Variants in MBNL1 observed in about 807,000 individuals in gnomAD.
MBNL1 encodes the protein muscleblind-like protein 1.
MBNL1 carries 8 observed loss-of-function variants against 42.2 expected under a neutral mutation model. The ratio of observed to expected loss-of-function variants is 0.19; its 90% CI spans 0.11 to 0.34. MBNL1 has a LOEUF of 0.34. Ranked by LOEUF, MBNL1 falls within the 10% of genes least tolerant of loss-of-function variation. The probability of loss-of-function intolerance (pLI) is 1.00; values close to 1 mark genes in which losing one functional copy is unlikely to be tolerated. For synonymous variants in MBNL1, 169 were observed against 173.9 expected (o/e 0.97, Z 0.22); for missense variants, 309 against 495.3 (o/e 0.62, Z 3.57).
chr3:152,388,467 A>G (rs2097541379), intron 2 of MBNL1, among the ~76,000 whole-genome samples: 1 of 152,216 alleles, frequency 6.6e-6, no homozygotes, highest in Non-Finnish European at 1.5e-5. Flanking sequence ...TAACCCTACC[A>G]GTCCCAGTCC....
chr3:152,417,775 A>G (rs531555028), intron 3 of MBNL1, among the ~76,000 whole-genome samples: 2 of 152,244 alleles, frequency 1.3e-5, no homozygotes, highest in Non-Finnish European at 2.9e-5. Context: ...ACCAGCACCC[A>G]GAACACAAGC....
chr3:152,312,613 C>G (rs1385637317), intron 2 of MBNL1, among the ~76,000 whole-genome samples: 1 of 152,108 alleles, frequency 6.6e-6, no homozygotes, highest in Non-Finnish European at 1.5e-5. Context: ...ATGGGAGGAA[C>G]TTTGTCTTAG....
intron 2 of MBNL1, among the ~76,000 whole-genome samples, chr3:152,361,368 C>T: frequency 6.6e-6 from 1 of 150,938 alleles, no homozygotes; most frequent in South Asian, 2.1e-4. Context: ...CTGTGTAGTT[C>T]CAGTGATGCT....
intron 2 of MBNL1, among the ~76,000 whole-genome samples, chr3:152,353,854 T>C (rs139203805): frequency 6.6e-6 from 1 of 152,172 alleles, no homozygotes; most frequent in Non-Finnish European, 1.5e-5. Context: ...GCTACATGGA[T>C]TGGTGAAATA....
intron 1 of MBNL1, among the ~76,000 whole-genome samples, chr3:152,294,745 G>A (rs988639274): frequency 6.6e-6 from 1 of 151,958 alleles, no homozygotes; most frequent in Non-Finnish European, 1.5e-5. Context: ...AAATATGTTT[G>A]CAAGAATTCT....
intron 2 of MBNL1, among the ~76,000 whole-genome samples, chr3:152,376,694 A>G (rs1030593734): frequency 1.3e-5 from 2 of 152,174 alleles, no homozygotes; most frequent in African/African-American, 2.4e-5. Flanking sequence ...GAGCTGCTGT[A>G]AAGAATGCAG....
chr3:152,376,619 A>T (rs1342656579), intron 2 of MBNL1, among the ~76,000 whole-genome samples: 7 of 152,192 alleles, frequency 4.6e-5, no homozygotes, highest in Non-Finnish European at 1.0e-4. Flanking sequence ...AGCTAAGAGG[A>T]GAGCAAAAGC....
chr3:152,274,816 A>G (rs1451455471), intron 1 of MBNL1, among the ~76,000 whole-genome samples: 1 of 152,114 alleles, frequency 6.6e-6, no homozygotes, highest in African/African-American at 2.4e-5. Flanking sequence ...ATACCATGAA[A>G]TATCAGCTGT....
intron 2 of MBNL1, among the ~76,000 whole-genome samples, chr3:152,371,162 T>G (rs1262194178): frequency 6.6e-6 from 1 of 152,202 alleles, no homozygotes; most frequent in Non-Finnish European, 1.5e-5. Context: ...TATTTAGTGC[T>G]TCCTTCAGAA....
At chr3:152,457,098 T>G (rs1735190975) in intron 8 of MBNL1, among the ~76,000 whole-genome samples, 1 of 152,152 alleles carries the variant, frequency 6.6e-6, no homozygotes, top group South Asian at 2.1e-4. Flanking sequence ...AAATTTAAAT[T>G]TTATGATATA....
intron 7 of MBNL1, among the ~76,000 whole-genome samples, chr3:152,456,049 T>C (rs954067434): frequency 1.6e-4 from 24 of 152,136 alleles, no homozygotes; most frequent in South Asian, 2.1e-4. Flanking sequence ...CAAGCTTTTT[T>C]CCCCCTTTTT....
intron 2 of MBNL1, among the ~76,000 whole-genome samples, chr3:152,363,591 G>A (rs1167635122): frequency 2.0e-5 from 3 of 152,046 alleles, no homozygotes; most frequent in Non-Finnish European, 2.9e-5. Context: ...TTCTTCTTTG[G>A]TAATCACTTA....
Position 152,416,704 on chromosome 3 carries a change from A to G in MBNL1, c.345+1593A>G, listed in dbSNP as rs1479492335. Among the ~76,000 whole-genome samples the G allele has an allele frequency of 4.6e-5, 7 of 152,224 alleles. No homozygotes were observed. In the East Asian group the frequency reaches 1.2e-3, roughly 25 times the overall value. Reference sequence around the variant, plus strand: ...CAGATGGAAGAGAACACTGGCCACCACATTTCCTGACCTAGCCCTTGAGTC... The same window carrying G: ...CAGATGGAAGAGAACACTGGCCACCGCATTTCCTGACCTAGCCCTTGAGTC... On this transcript the variant is annotated intron_variant, in intron 3 of 9. Transcript: ENST00000324210.
chr3:152,311,001 C>CTTT lies in MBNL1; in HGVS notation c.174+10657_174+10659dup, dbSNP rs71144111. On this transcript the variant is annotated intron_variant, in intron 2 of 9. Coordinates refer to ENST00000324210, the MANE Select transcript of MBNL1 (RefSeq NM_021038.5). ...TTTTCTAATGCACAGAACCATGAGA[C>CTTT]TTTTTTTTTTTTTTTTTTTTTTTTT... Among the ~76,000 whole-genome samples the CTTT allele has an allele frequency of 4.6e-3, 355 of 77,548 alleles. 12 individuals are homozygous for CTTT. The highest frequency in any genetic ancestry group is 0.015 in the Admixed American group (85 of 5,704). 50.9% of individuals were successfully genotyped at this position (77,548 alleles called of 152,430 possible).
chr3:152,272,449 A>G (rs564346984), intron 1 of MBNL1, among the ~76,000 whole-genome samples: 1 of 152,154 alleles, frequency 6.6e-6, no homozygotes, highest in Non-Finnish European at 1.5e-5. Context: ...TGTAGTTATC[A>G]TTGTCCTGAA....
chr3:152,263,134 A>G (rs1559942876), upstream of MBNL1: 1 of 152,230 alleles, frequency 6.6e-6, no homozygotes, highest in East Asian at 1.9e-4. Context: ...CTCATGAAAA[A>G]TGAAGATTAT....
At chr3:152,259,441 A>C (rs576458778) in intron 2 of MBNL1, among the ~76,000 whole-genome samples, 11 of 152,360 alleles carry the variant, frequency 7.2e-5, no homozygotes, top group Admixed American at 4.6e-4. Flanking sequence ...AGATTTTAAA[A>C]GAGCCTTTGA....
chr3:152,259,597 G>A (rs1044849333), intron 2 of MBNL1, among the ~76,000 whole-genome samples: 5 of 152,140 alleles, frequency 3.3e-5, no homozygotes, highest in Non-Finnish European at 7.3e-5. Flanking sequence ...AAAAGATTAA[G>A]CCCAGGAAGT....
At chr3:152,338,216 T>G (rs2091785868) in intron 2 of MBNL1, 5 of 985,426 alleles carry the variant, frequency 5.1e-6, no homozygotes, top group African/African-American at 1.7e-5. Context: ...CTCCATTGCT[T>G]CTTGTGTTCT....
Sources: gnomAD v4.1 joint callset for allele counts (sites outside exome capture counted in the v4.1 genomes callset) on GRCh38, gnomAD v4.1.1 for gene constraint, MANE v1.5 for transcripts, NCBI Gene and HGNC (gene_info 2026-07-23, HGNC 2026-07-21) for gene names.